The following SPIDR variants were observed in gnomAD, a reference collection of about 807,000 sequenced individuals.
SPIDR encodes scaffold protein involved in DNA repair, also known as DNA repair-scaffolding protein.
SPIDR carries 93 observed loss-of-function variants against 104.6 expected under a neutral mutation model. The ratio of observed to expected loss-of-function variants is 0.89; its 90% CI spans 0.75 to 1.06. The LOEUF is 1.06. Ranked by LOEUF, SPIDR falls within the 50% of genes least tolerant of loss-of-function variation. SPIDR has a pLI of 0.00. For missense variants in SPIDR, 1,154 were observed against 1,111.2 expected, an observed-to-expected ratio of 1.04 and a Z score of -0.55; for synonymous variants, 431 against 416.9, an observed-to-expected ratio of 1.03 and a Z score of -0.41.
At chr8:47,659,838 C>A in intron 10 of SPIDR, 1 of 603,154 alleles carries the variant, frequency 1.7e-6, no homozygotes, top group Non-Finnish European at 2.1e-6. Flanking sequence ...TCTTTAGAGG[C>A]TGCTTAAGTT....
chr8:47,542,352 G>A (rs549907914), intron 8 of SPIDR, among the ~76,000 whole-genome samples: 49 of 152,106 alleles, frequency 3.2e-4, no homozygotes, highest in African/African-American at 1.1e-3. Flanking sequence ...GCAAATCCGA[G>A]GAGACCCTGT....
Position 47,712,686 on chromosome 8 carries a change from C to G in SPIDR, c.2002C>G (p.Gln668Glu). The G allele has an allele frequency of 6.2e-7, 1 of 1,614,080 alleles. No individual in the cohort carries two copies. Among genetic ancestry groups the G allele is most frequent in the Non-Finnish European group, 8.5e-7 (1 of 1,180,026 alleles). ...PQLKSLLLLE[Q>E]REIWLLVTDV... is the part of the protein sequence containing the mutation. ...GCTGAAGAGTCTGCTGCTTCTGGAGCAAAGGGAGATCTGGCTGCTAGTGAC... is the reference window on the plus strand; with the variant it reads ...GCTGAAGAGTCTGCTGCTTCTGGAGGAAAGGGAGATCTGGCTGCTAGTGAC... Residue 668 changes from glutamine to glutamate, a missense_variant, in exon 15 of 20, where the codon CAA becomes GAA. Physicochemically the swap from Gln to Glu is conservative, Grantham distance 29. Coordinates refer to ENST00000297423, the MANE Select transcript of SPIDR (RefSeq NM_001080394.4).
At chr8:47,658,629 G>A (rs2073414139) in intron 10 of SPIDR, among the ~76,000 whole-genome samples, 1 of 151,680 alleles carries the variant, frequency 6.6e-6, no homozygotes, top group African/African-American at 2.4e-5. Flanking sequence ...AAGATGGTGT[G>A]TGAGTATGGA....
intron 7 of SPIDR, among the ~76,000 whole-genome samples, chr8:47,424,757 G>A (rs2066147020): frequency 1.3e-5 from 2 of 152,196 alleles, no homozygotes; most frequent in South Asian, 2.1e-4. Context: ...GGGGGAAAGG[G>A]AAAGGTCTTG....
intron 5 of SPIDR, among the ~76,000 whole-genome samples, chr8:47,313,741 C>T (rs1563575813): frequency 6.6e-6 from 1 of 152,108 alleles, no homozygotes; most frequent in Non-Finnish European, 1.5e-5. Context: ...CAGAACAGAG[C>T]CCTCAGAAAT....
intron 8 of SPIDR, among the ~76,000 whole-genome samples, chr8:47,478,222 G>A (rs985059456): frequency 6.6e-6 from 1 of 152,158 alleles, no homozygotes; most frequent in Non-Finnish European, 1.5e-5. Context: ...CCAGCCTGAC[G>A]ACAAACACAC....
chr8:47,697,212 A>G (rs942768724), intron 11 of SPIDR, among the ~76,000 whole-genome samples: 7 of 151,816 alleles, frequency 4.6e-5, no homozygotes, highest in Non-Finnish European at 8.8e-5. Flanking sequence ...ACTTGAAAAC[A>G]GCCGTAGGGT....
intron 8 of SPIDR, among the ~76,000 whole-genome samples, chr8:47,466,754 A>G (rs2074851363): frequency 6.6e-6 from 1 of 151,328 alleles, no homozygotes; most frequent in African/African-American, 2.4e-5. Flanking sequence ...CATCACAACT[A>G]AAAGAACTAG....
intron 8 of SPIDR, among the ~76,000 whole-genome samples, chr8:47,578,195 G>A (rs570122524): frequency 1.2e-4 from 18 of 152,242 alleles, no homozygotes; most frequent in African/African-American, 4.1e-4. Context: ...ATAATCAGCC[G>A]GGTGCGGTGG....
At chr8:47,682,511 T>C (rs867748255) in intron 11 of SPIDR, among the ~76,000 whole-genome samples, 15 of 152,362 alleles carry the variant, frequency 9.8e-5, no homozygotes, top group African/African-American at 3.1e-4. Flanking sequence ...TACTTTAACA[T>C]GACTAATTTC....
At chr8:47,647,773 CAAGG>C (rs1340802206) in intron 10 of SPIDR, among the ~76,000 whole-genome samples, 23 of 152,072 alleles carry the variant, frequency 1.5e-4, no homozygotes, top group African/African-American at 5.3e-4. Flanking sequence ...ACATAAGACT[CAAGG>C]AAAGTCTCAC....
rs182394657 is a variant in SPIDR at position 47,547,595 on chromosome 8, G to A, written c.1098-48216G>A. 4.0e-5 allele frequency among the ~76,000 whole-genome samples: 6 copies of A among 151,294 alleles called. No individual in the cohort carries two copies. The East Asian group carries it at 1.2e-3, about 29-fold the overall frequency. On this transcript the variant is annotated intron_variant, in intron 8 of 19. Coordinates refer to ENST00000297423, the MANE Select transcript of SPIDR (RefSeq NM_001080394.4). The stretch of plus-strand genomic sequence containing the variant: ...TTACAGGTGCCCACCACCACGCCCA[G>A]CTAATTTTTGTATTTTTGGTAGAGA...
Position 47,696,282 on chromosome 8 carries a change from G to C in SPIDR, c.1686-4121G>C, listed in dbSNP as rs532516809. On this transcript the variant is annotated intron_variant, in intron 11 of 19. Transcript: ENST00000297423. ...GTGATTTGTTTTCTACTTAGATTTT[G>C]ACAGCTTCCAAAATATGTTACCAAC... Among the ~76,000 whole-genome samples, 7 of 152,216 alleles carry C rather than the reference G, an allele frequency of 4.6e-5. No individual in the cohort carries two copies. The South Asian group carries it at 1.5e-3, about 32-fold the overall frequency.
intron 7 of SPIDR, among the ~76,000 whole-genome samples, chr8:47,418,098 G>T (rs1382422952): frequency 2.0e-5 from 3 of 152,130 alleles, no homozygotes; most frequent in Non-Finnish European, 4.4e-5. Flanking sequence ...GATTGACCTG[G>T]CAATGCGGGC....
At chr8:47,288,243 CTT>C (rs1267290325) in intron 3 of SPIDR, among the ~76,000 whole-genome samples, 1 of 151,046 alleles carries the variant, frequency 6.6e-6, no homozygotes, top group East Asian at 1.9e-4. Context: ...GGTTTCTTGA[CTT>C]TTCCATGAAT....
At chr8:47,480,518 A>G (rs1554726318) in intron 8 of SPIDR, among the ~76,000 whole-genome samples, 3 of 152,238 alleles carry the variant, frequency 2.0e-5, no homozygotes, top group African/African-American at 7.2e-5. Flanking sequence ...AATTCCAAGC[A>G]TTCTGCACTA....
intron 11 of SPIDR, among the ~76,000 whole-genome samples, chr8:47,676,173 G>A (rs1337048335): frequency 6.6e-6 from 1 of 152,206 alleles, no homozygotes; most frequent in Non-Finnish European, 1.5e-5. Flanking sequence ...TTTGTGGTTG[G>A]CACTAGAAGC....
chr8:47,602,218 C>T (rs2062384675), intron 10 of SPIDR, among the ~76,000 whole-genome samples: 1 of 152,198 alleles, frequency 6.6e-6, no homozygotes, highest in Admixed American at 6.5e-5. Context: ...ATGGAATGCT[C>T]TGTGGGTCCC....
intron 8 of SPIDR, chr8:47,592,168 C>T: frequency 7.1e-7 from 1 of 1,405,268 alleles, no homozygotes. Flanking sequence ...TGGCATATAG[C>T]CTAGTTCATG....
Sources: allele counts gnomAD v4.1 joint callset (sites outside exome capture counted in the v4.1 genomes callset), GRCh38; gene constraint gnomAD v4.1.1; transcripts MANE v1.5; gene names NCBI Gene and HGNC (gene_info 2026-07-23, HGNC 2026-07-21).